The following IGF1R variants were observed in gnomAD, a reference collection of about 807,000 sequenced individuals.
The protein encoded by IGF1R is insulin-like growth factor 1 receptor.
IGF1R carries 44 observed loss-of-function variants against 144.6 expected under a neutral mutation model. That is an observed-to-expected ratio of 0.30 (90% confidence interval 0.24 to 0.39). The LOEUF is 0.39. Ranked by LOEUF, IGF1R falls within the 10% of genes least tolerant of loss-of-function variation. The pLI, the probability that IGF1R is intolerant of heterozygous loss-of-function variation, is 1.00. For missense variants in IGF1R, 1,355 were observed against 1,833.7 expected (o/e 0.74, Z 4.77); for synonymous variants, 795 against 722.8 (o/e 1.10, Z -1.60).
At chr15:98,903,079 T>C (rs2014565445) in intron 5 of IGF1R, among the ~76,000 whole-genome samples, 1 of 152,176 alleles carries the variant, frequency 6.6e-6, no homozygotes, top group South Asian at 2.1e-4. Context: ...GTAATGACCT[T>C]AGACATTAAG....
At chr15:98,730,449 G>A (rs1350222277) in intron 2 of IGF1R, among the ~76,000 whole-genome samples, 1 of 152,164 alleles carries the variant, frequency 6.6e-6, no homozygotes, top group East Asian at 1.9e-4. Flanking sequence ...ATGGGTAGCA[G>A]CTAGCGGCTT....
At chr15:98,694,560 G>A (rs1218401930) in intron 1 of IGF1R, among the ~76,000 whole-genome samples, 1 of 152,010 alleles carries the variant, frequency 6.6e-6, no homozygotes, top group Non-Finnish European at 1.5e-5. Context: ...AGGTGCCAGT[G>A]ACTGACACTT....
chr15:98,655,001 T>C (rs750226745), intron 1 of IGF1R, among the ~76,000 whole-genome samples: 1 of 152,190 alleles, frequency 6.6e-6, no homozygotes, highest in Non-Finnish European at 1.5e-5. Flanking sequence ...GCCCCAGTGT[T>C]TGTGGACATT....
At chr15:98,745,617 A>C (rs1336859771) in intron 2 of IGF1R, among the ~76,000 whole-genome samples, 1 of 152,254 alleles carries the variant, frequency 6.6e-6, no homozygotes, top group African/African-American at 2.4e-5. Flanking sequence ...GTGAAAAAAA[A>C]ATCTTTGAGG....
intron 20 of IGF1R, among the ~76,000 whole-genome samples, chr15:98,950,339 A>G (rs1024082615): frequency 6.6e-6 from 1 of 152,310 alleles, no homozygotes; most frequent in South Asian, 2.1e-4. Context: ...GGTCTCCTAC[A>G]GTGTCTGTGG....
At chr15:98,796,751 G>C (rs2056252078) in intron 2 of IGF1R, among the ~76,000 whole-genome samples, 1 of 152,198 alleles carries the variant, frequency 6.6e-6, no homozygotes, top group South Asian at 2.1e-4. Context: ...ATGCACACAC[G>C]GACACGAATA....
Position 98,778,368 on chromosome 15 carries a change from A to G in IGF1R, c.640+70261A>G, listed in dbSNP as rs527927523. Among the ~76,000 whole-genome samples, 28 of 152,318 alleles carry G rather than the reference A, an allele frequency of 1.8e-4. No homozygotes were observed. The South Asian group carries it at 2.3e-3, about 12-fold the overall frequency. ...TTGCTTCGTTCTCACAATCCTTGACACTAAGCTGTGGGCTTGGGTTATAGT... is the reference window on the plus strand; with the variant it reads ...TTGCTTCGTTCTCACAATCCTTGACGCTAAGCTGTGGGCTTGGGTTATAGT... On this transcript the variant is annotated intron_variant, in intron 2 of 20. Coordinates refer to ENST00000650285, the MANE Select transcript of IGF1R (RefSeq NM_000875.5).
At chr15:98,882,683 AGG>A (rs1169632095) in intron 2 of IGF1R, among the ~76,000 whole-genome samples, 1 of 152,202 alleles carries the variant, frequency 6.6e-6, no homozygotes, top group Non-Finnish European at 1.5e-5. Flanking sequence ...GACAGTGATG[AGG>A]GGTGAAAATA....
At chr15:98,730,418 A>G (rs2054471350) in intron 2 of IGF1R, among the ~76,000 whole-genome samples, 1 of 152,182 alleles carries the variant, frequency 6.6e-6, no homozygotes, top group African/African-American at 2.4e-5. Context: ...AGATGCCTTA[A>G]ACTGATTTTG....
chr15:98,895,020 C>CA (rs368393677), intron 3 of IGF1R, among the ~76,000 whole-genome samples: 27,798 of 112,328 alleles, frequency 0.25, 3,331 homozygotes, highest in East Asian at 0.46. Flanking sequence ...GACCCTGTCT[C>CA]AAAAAAAAAA....
Position 98,960,837 on chromosome 15 carries a change from TAGAC to T in IGF1R, c.*3399_*3402del, listed in dbSNP as rs1346783382. On this transcript the variant is annotated 3_prime_UTR_variant, in exon 21 of 21. Coordinates refer to ENST00000650285, the MANE Select transcript of IGF1R (RefSeq NM_000875.5). ...TCTCCCTCACCTCCTTCCCTAGGGG[TAGAC>T]AGAGATGTACCAAACCTTCCGGCTG... 8.6e-6 allele frequency: 2 copies of T among 233,480 alleles called. No individual in the cohort carries two copies. Among genetic ancestry groups the T allele is most frequent in the Non-Finnish European group, 1.7e-5 (2 of 118,062 alleles). 14.5% of individuals were successfully genotyped at this position (233,480 alleles called of 1,614,324 possible).
rs576879715 is a variant in IGF1R at position 98,813,679 on chromosome 15, T to G, written c.641-77646T>G. ...CTGAATAGCAGTAAACCCTACATCT[T>G]AAAATACTTTGAGATTGTCACATAC... is the stretch of plus-strand genomic sequence containing the variant. On this transcript the variant is annotated intron_variant, in intron 2 of 20. Coordinates refer to ENST00000650285, the MANE Select transcript of IGF1R (RefSeq NM_000875.5). 2.0e-5 allele frequency among the ~76,000 whole-genome samples: 3 copies of G among 152,326 alleles called. No individual in the cohort carries two copies. In the East Asian group the frequency reaches 5.8e-4, roughly 29 times the overall value.
intron 1 of IGF1R, among the ~76,000 whole-genome samples, chr15:98,650,473 A>C (rs2052332406): frequency 6.6e-6 from 1 of 152,168 alleles, no homozygotes; most frequent in African/African-American, 2.4e-5. Flanking sequence ...CTGGGTCCCC[A>C]GTTCAGAGGG....
At chr15:98,873,747 C>T (rs1212704937) in intron 2 of IGF1R, 1 of 152,152 alleles carries the variant, frequency 6.6e-6, no homozygotes, top group Admixed American at 6.5e-5. Flanking sequence ...GTGGTCACAC[C>T]AACAGAAAGG....
chr15:98,663,601 T>C (rs1160457112), intron 1 of IGF1R, among the ~76,000 whole-genome samples: 1 of 152,230 alleles, frequency 6.6e-6, no homozygotes, highest in Admixed American at 6.5e-5. Flanking sequence ...GCGCTGTTGT[T>C]GTTCGTTTGC....
chr15:98,952,563 GCTT>G (rs2016821585), intron 20 of IGF1R, among the ~76,000 whole-genome samples: 1 of 152,160 alleles, frequency 6.6e-6, no homozygotes, highest in African/African-American at 2.4e-5. Context: ...TGTGAGTTCT[GCTT>G]CTGTGGTTTA....
At chr15:98,760,300 C>G (rs551867807) in intron 2 of IGF1R, among the ~76,000 whole-genome samples, 1 of 151,120 alleles carries the variant, frequency 6.6e-6, no homozygotes, top group Admixed American at 6.6e-5. Flanking sequence ...CATAGTGAGC[C>G]AAGACTGTGT....
chr15:98,659,193 A>G (rs1019043443), intron 1 of IGF1R, among the ~76,000 whole-genome samples: 2 of 152,230 alleles, frequency 1.3e-5, no homozygotes, highest in Admixed American at 1.3e-4. Context: ...TTATTTTGCT[A>G]AGGTGTTTAT....
At chr15:98,693,056 G>A (rs1247200510) in intron 1 of IGF1R, among the ~76,000 whole-genome samples, 1 of 152,174 alleles carries the variant, frequency 6.6e-6, no homozygotes, top group Non-Finnish European at 1.5e-5. Flanking sequence ...GGGGCTGGTG[G>A]AGCATGCTCT....
Sources: gnomAD v4.1 joint callset for allele counts (sites outside exome capture counted in the v4.1 genomes callset) on GRCh38, gnomAD v4.1.1 for gene constraint, MANE v1.5 for transcripts, NCBI Gene and HGNC (gene_info 2026-07-23, HGNC 2026-07-21) for gene names.